PHACTR3: variants seen among roughly 807,000 people sequenced by gnomAD.
The protein encoded by PHACTR3 is phosphatase and actin regulator 3.
Under a neutral mutation model 66.8 loss-of-function variants are expected in PHACTR3, and 16 were observed. That is an observed-to-expected ratio of 0.24 (90% confidence interval 0.16 to 0.36). The LOEUF (loss-of-function observed/expected upper bound fraction) is 0.36, where lower values mean the gene tolerates loss of function less well. Ranked by LOEUF, PHACTR3 falls within the 10% of genes least tolerant of loss-of-function variation. The probability of loss-of-function intolerance (pLI) is 1.00; values close to 1 mark genes in which losing one functional copy is unlikely to be tolerated. For synonymous variants in PHACTR3, 323 were observed against 292.1 expected, an observed-to-expected ratio of 1.11 and a Z score of -1.08; for missense variants, 647 against 719.9, an observed-to-expected ratio of 0.90 and a Z score of 1.16.
At chr20:59,694,202 C>A (rs1044744291) in intron 1 of PHACTR3, among the ~76,000 whole-genome samples, 3 of 152,136 alleles carry the variant, frequency 2.0e-5, no homozygotes, top group African/African-American at 7.2e-5. Flanking sequence ...CATGAAAAGG[C>A]CAGAAAATTC....
At chr20:59,641,233 C>CATGT (rs2035090302) in intron 1 of PHACTR3, among the ~76,000 whole-genome samples, 1 of 152,072 alleles carries the variant, frequency 6.6e-6, no homozygotes, top group African/African-American at 2.4e-5. Flanking sequence ...TGTATGTATG[C>CATGT]ATGTATGTAT....
In PHACTR3 at chr20:59,784,353, G is replaced by A. The variant is rs542948402; in HGVS notation, c.1174+9863G>A. Among the ~76,000 whole-genome samples, 4 of 152,110 alleles carry A rather than the reference G, an allele frequency of 2.6e-5. No individual in the cohort carries two copies. The East Asian group carries it at 7.7e-4, about 29-fold the overall frequency. On this transcript the variant is annotated intron_variant, in intron 7 of 12. Coordinates refer to ENST00000371015, the MANE Select transcript of PHACTR3 (RefSeq NM_080672.5). ...ATATGTGTATATATAGAATGTGTAT[G>A]TACAAACATGTATGTGTATGCATAT...
chr20:59,771,541 A>T (rs1011207958), intron 5 of PHACTR3, among the ~76,000 whole-genome samples: 4 of 145,958 alleles, frequency 2.7e-5, no homozygotes, highest in African/African-American at 1.0e-4. Flanking sequence ...CCTCCCCCCG[A>T]CCAGCCCAGT....
At chr20:59,733,072 CTTTT>C (rs35384852) in intron 1 of PHACTR3, among the ~76,000 whole-genome samples, 83 of 127,882 alleles carry the variant, frequency 6.5e-4, no homozygotes, top group Non-Finnish European at 7.1e-4. Context: ...AAATTCACTC[CTTTT>C]TTTTTTTTTT....
intron 7 of PHACTR3, among the ~76,000 whole-genome samples, chr20:59,801,064 C>T (rs192176900): frequency 2.6e-5 from 4 of 152,312 alleles, no homozygotes; most frequent in South Asian, 4.1e-4. Flanking sequence ...CATATTAATC[C>T]ACTGAGGGTT....
At chr20:59,791,025 G>A (rs1022023761) in intron 7 of PHACTR3, among the ~76,000 whole-genome samples, 2 of 152,148 alleles carry the variant, frequency 1.3e-5, no homozygotes, top group Non-Finnish European at 2.9e-5. Flanking sequence ...ATTCACCAGG[G>A]AGGTGAGGGT....
At chr20:59,589,204 C>T (rs915165547) in intron 1 of PHACTR3, among the ~76,000 whole-genome samples, 7 of 152,234 alleles carry the variant, frequency 4.6e-5, no homozygotes, top group Admixed American at 1.3e-4. Flanking sequence ...GTTATTCTCC[C>T]GTGGGCTTTG....
At chr20:59,728,795 C>T (rs1259002368) in intron 1 of PHACTR3, among the ~76,000 whole-genome samples, 2 of 151,050 alleles carry the variant, frequency 1.3e-5, no homozygotes, top group Non-Finnish European at 2.9e-5. Context: ...AAGGTCACTC[C>T]AGTGGGGAGG....
intron 1 of PHACTR3, among the ~76,000 whole-genome samples, chr20:59,629,926 AG>A (rs1389767669): frequency 6.6e-6 from 1 of 152,162 alleles, no homozygotes; most frequent in Non-Finnish European, 1.5e-5. Flanking sequence ...GCTGTAGACC[AG>A]GGGTTCTAGG....
chr20:59,669,730 G>C (rs1179039014), intron 1 of PHACTR3, among the ~76,000 whole-genome samples: 1 of 152,200 alleles, frequency 6.6e-6, no homozygotes, highest in East Asian at 1.9e-4. Flanking sequence ...CATGACATGT[G>C]GCGGTTATGA....
chr20:59,835,278 AG>A (rs11477698), intron 8 of PHACTR3, among the ~76,000 whole-genome samples: 139,442 of 150,842 alleles, frequency 0.92, 64,219 homozygotes, highest in East Asian at 0.97. Context: ...AGGAATTGTC[AG>A]GGGGGGAGGT....
At chr20:59,581,949 T>C (rs2032874026) in intron 1 of PHACTR3, among the ~76,000 whole-genome samples, 1 of 151,760 alleles carries the variant, frequency 6.6e-6, no homozygotes, top group Admixed American at 6.6e-5. Flanking sequence ...GAATGGATAA[T>C]GTGGTCTCCA....
chr20:59,847,397 G>GTTGT lies in PHACTR3; in HGVS notation c.*271_*274dup, dbSNP rs2059170855. ...AACATAACTCTATCAGAAGAAAACT[G>GTTGT]TTGTTTGCCTTTCAACCTTGTTTTA... On this transcript the variant is annotated 3_prime_UTR_variant, in exon 13 of 13. Coordinates refer to ENST00000371015, the MANE Select transcript of PHACTR3 (RefSeq NM_080672.5). 1 of 343,302 alleles carries GTTGT rather than the reference G, an allele frequency of 2.9e-6. No individual in the cohort carries two copies. The highest frequency in any genetic ancestry group is 5.4e-6 in the Non-Finnish European group (1 of 183,932). 21.3% of individuals were successfully genotyped at this position (343,302 alleles called of 1,614,324 possible).
intron 1 of PHACTR3, among the ~76,000 whole-genome samples, chr20:59,720,276 G>A (rs2038245129): frequency 6.6e-6 from 1 of 152,182 alleles, no homozygotes; most frequent in African/African-American, 2.4e-5. Flanking sequence ...GGCTCTGCAG[G>A]CCCGTGTTGT....
intron 1 of PHACTR3, among the ~76,000 whole-genome samples, chr20:59,589,984 G>A (rs956109552): frequency 2.6e-5 from 4 of 152,208 alleles, no homozygotes; most frequent in African/African-American, 4.8e-5. Context: ...TCTTCCCTCC[G>A]CTTCTGTAGG....
chr20:59,701,854 C>A (rs2037517559), intron 1 of PHACTR3, among the ~76,000 whole-genome samples: 1 of 152,226 alleles, frequency 6.6e-6, no homozygotes, highest in Non-Finnish European at 1.5e-5. Context: ...ACCGACCCCC[C>A]AATCCCCTGT....
chr20:59,697,737 AAATTT>A (rs1431660620), intron 1 of PHACTR3, among the ~76,000 whole-genome samples: 3 of 152,224 alleles, frequency 2.0e-5, no homozygotes, highest in African/African-American at 7.2e-5. Flanking sequence ...ATTGACAAAA[AAATTT>A]AATTTAATCA....
At chr20:59,694,044 G>A (rs1228201381) in intron 1 of PHACTR3, among the ~76,000 whole-genome samples, 1 of 152,172 alleles carries the variant, frequency 6.6e-6, no homozygotes, top group Non-Finnish European at 1.5e-5. Flanking sequence ...AAATGTGGCC[G>A]TTTTTGCAAT....
chr20:59,696,841 C>G (rs887187876), intron 1 of PHACTR3, among the ~76,000 whole-genome samples: 1 of 152,190 alleles, frequency 6.6e-6, no homozygotes, highest in Non-Finnish European at 1.5e-5. Context: ...ATTTCCTCCC[C>G]AGCCCCACTC....
Sources: allele counts gnomAD v4.1 joint callset (sites outside exome capture counted in the v4.1 genomes callset), GRCh38; gene constraint gnomAD v4.1.1; transcripts MANE v1.5; gene names NCBI Gene and HGNC (gene_info 2026-07-23, HGNC 2026-07-21).